CHIC1: variants seen among roughly 807,000 people sequenced by gnomAD.
The protein encoded by CHIC1 is cysteine rich hydrophobic domain 1, also known as cysteine-rich hydrophobic domain-containing protein 1.
In CHIC1, 7 loss-of-function variants were observed where a neutral mutation model predicts 18.5. The observed-to-expected ratio is 0.38, with a 90% CI of 0.22 to 0.71. The LOEUF (loss-of-function observed/expected upper bound fraction) is 0.71. Ranked by LOEUF, CHIC1 falls within the 30% of genes least tolerant of loss-of-function variation. The pLI is 0.49. For missense variants in CHIC1, 159 were observed against 176.9 expected (o/e 0.90, Z 0.57); for synonymous variants, 77 against 73.5 (o/e 1.05, Z -0.25).
chrX:73,637,834 A>G (rs1289913111), intron 3 of CHIC1, among the ~76,000 whole-genome samples: 1 of 111,644 alleles, frequency 9.0e-6, no homozygotes, highest in Non-Finnish European at 1.9e-5. Flanking sequence ...TCTTTGTCAC[A>G]TAAGTGCAAT....
At chrX:73,660,877 T>C (rs1267566598) in intron 3 of CHIC1, among the ~76,000 whole-genome samples, 4 of 112,198 alleles carry the variant, frequency 3.6e-5, no homozygotes, top group African/African-American at 1.3e-4. Context: ...GTGGGCTTTA[T>C]GTCTTGAGAG....
intron 3 of CHIC1, among the ~76,000 whole-genome samples, chrX:73,636,389 A>G (rs1256093779): frequency 3.6e-5 from 4 of 111,116 alleles, no homozygotes; most frequent in African/African-American, 1.3e-4. Flanking sequence ...GCCTCAAGCA[A>G]TCTTCCTGCT....
rs1385345967 is a variant in CHIC1 at position 73,686,662 on chromosome X, T to C, written c.*5657T>C. The C allele has an allele frequency of 9.0e-6, 1 of 111,669 alleles. No individual in the cohort carries two copies. Among genetic ancestry groups the C allele is most frequent in the Non-Finnish European group, 1.9e-5 (1 of 53,019 alleles). The allele number at this position is 111,669 out of a possible 1,213,427, so 9.2% of individuals were successfully genotyped here. A position where few individuals can be genotyped will look rare whatever the true frequency, so the allele number is the denominator to read the frequency against. On this transcript the variant is annotated 3_prime_UTR_variant, in exon 6 of 6. Transcript: ENST00000373502. ...AACAAGTAACAAGTGTTTGAAAGTA[T>C]ATAATCTACGAGCGAATTTGCCCTC...
chrX:73,582,514 A>C (rs2057532755), intron 2 of CHIC1, among the ~76,000 whole-genome samples: 1 of 109,875 alleles, frequency 9.1e-6, no homozygotes. Flanking sequence ...TCTGCATTTA[A>C]CATGCAGCAG....
chrX:73,587,120 CTGTT>C (rs1006959681), intron 3 of CHIC1, among the ~76,000 whole-genome samples: 6 of 112,107 alleles, frequency 5.4e-5, no homozygotes, highest in South Asian at 3.7e-4. Context: ...AGTCATATCT[CTGTT>C]TGCTCACAAA....
At chrX:73,588,462 G>A (rs867910208) in intron 3 of CHIC1, among the ~76,000 whole-genome samples, 2 of 111,042 alleles carry the variant, frequency 1.8e-5, no homozygotes, top group East Asian at 2.8e-4. Context: ...AAATTCAGTC[G>A]CATTAACTAC....
intron 3 of CHIC1, among the ~76,000 whole-genome samples, chrX:73,641,507 C>A (rs192325131): frequency 6.5e-4 from 72 of 110,748 alleles, no homozygotes; most frequent in African/African-American, 2.3e-3. Flanking sequence ...TTTATGAGAT[C>A]AATTTTTTTA....
At chrX:73,656,536 C>G (rs926834378) in intron 3 of CHIC1, among the ~76,000 whole-genome samples, 1 of 111,744 alleles carries the variant, frequency 8.9e-6, no homozygotes, top group Admixed American at 9.5e-5. Flanking sequence ...CCAGTTCTCC[C>G]AGCACCATTT....
chrX:73,655,277 T>C (rs1005198731), intron 3 of CHIC1, among the ~76,000 whole-genome samples: 28 of 106,498 alleles, frequency 2.6e-4, no homozygotes, highest in African/African-American at 8.5e-4. Flanking sequence ...TGGTGGTGTG[T>C]GTGTGCGTGT....
intron 3 of CHIC1, among the ~76,000 whole-genome samples, chrX:73,678,869 A>G (rs780457231): frequency 9.0e-6 from 1 of 111,642 alleles, no homozygotes; most frequent in African/African-American, 3.3e-5. Flanking sequence ...TATGACAGGT[A>G]TTGTGCCAGG....
At chrX:73,637,212 T>C (rs1603346492) in intron 3 of CHIC1, among the ~76,000 whole-genome samples, 2 of 111,407 alleles carry the variant, frequency 1.8e-5, no homozygotes, top group African/African-American at 6.5e-5. Flanking sequence ...CCTTCTTGCC[T>C]CCAAAGTTTC....
chrX:73,639,309 G>A (rs1005820258), intron 3 of CHIC1, among the ~76,000 whole-genome samples: 1 of 111,619 alleles, frequency 9.0e-6, no homozygotes, highest in Non-Finnish European at 1.9e-5. Flanking sequence ...GCTTGGCCAC[G>A]TTTATGTCTT....
intron 3 of CHIC1, among the ~76,000 whole-genome samples, chrX:73,667,173 C>G (rs1489075945): frequency 9.0e-6 from 1 of 111,316 alleles, no homozygotes; most frequent in African/African-American, 3.3e-5. Context: ...GATAGCAACC[C>G]CTGCTTTTTT....
rs766768398 is a variant in CHIC1 at position 73,602,010 on chromosome X, A to C, written c.507+17438A>C. On this transcript the variant is annotated intron_variant, in intron 3 of 5. Transcript: ENST00000373502. ...ACATACACCCCCTGCCCCCAAGACT[A>C]AACCAGGAAGAAGTCAAATTCCTGA... 6.8e-3 allele frequency among the ~76,000 whole-genome samples: 712 copies of C among 104,382 alleles called. 67 individuals carry two copies. The highest frequency in any genetic ancestry group is 0.025 in the African/African-American group (669 of 26,391). The allele number at this position is 104,382 out of a possible 115,157, so 90.6% of individuals were successfully genotyped here.
At chrX:73,610,956 C>G (rs753635419) in intron 3 of CHIC1, among the ~76,000 whole-genome samples, 2 of 102,539 alleles carry the variant, frequency 2.0e-5, no homozygotes, top group Admixed American at 1.0e-4. Context: ...TTTTTTTTCT[C>G]TTTTTTTCTT....
intron 3 of CHIC1, among the ~76,000 whole-genome samples, chrX:73,659,462 C>T (rs1393711716): frequency 2.0e-5 from 2 of 102,348 alleles, no homozygotes; most frequent in South Asian, 4.6e-4. Context: ...CTTTTGTGTC[C>T]GACCTGGGAC....
intron 3 of CHIC1, among the ~76,000 whole-genome samples, chrX:73,636,282 T>C (rs947113171): frequency 1.8e-5 from 2 of 111,701 alleles, no homozygotes; most frequent in African/African-American, 6.5e-5. Context: ...CTTTATGTGT[T>C]ATATTTCTAA....
intron 3 of CHIC1, among the ~76,000 whole-genome samples, chrX:73,660,439 C>A (rs1328367412): frequency 9.0e-6 from 1 of 111,638 alleles, no homozygotes. Context: ...GGTATGAGCC[C>A]AATAGAGTGT....
intron 3 of CHIC1, among the ~76,000 whole-genome samples, chrX:73,608,690 T>C (rs2057694062): frequency 9.2e-6 from 1 of 108,353 alleles, no homozygotes; most frequent in Non-Finnish European, 1.9e-5. Flanking sequence ...CATCAGCGTG[T>C]TTATTATTGC....
Sources: allele counts gnomAD v4.1 joint callset (sites outside exome capture counted in the v4.1 genomes callset), GRCh38; gene constraint gnomAD v4.1.1; transcripts MANE v1.5; gene names NCBI Gene and HGNC (gene_info 2026-07-23, HGNC 2026-07-21).